Variants in ZMAT4 observed in about 807,000 individuals in gnomAD.
ZMAT4 encodes the protein zinc finger matrin-type protein 4.
ZMAT4 carries 17 observed loss-of-function variants against 28.7 expected under a neutral mutation model. That is an observed-to-expected ratio of 0.59 (90% CI 0.41 to 0.89). The LOEUF is 0.89. ZMAT4 is among the 40% of genes least tolerant of loss of function. ZMAT4 has a pLI of 0.00. For synonymous variants in ZMAT4, 117 were observed against 109.2 expected, an observed-to-expected ratio of 1.07 and a Z score of -0.44; for missense variants, 240 against 283.8, an observed-to-expected ratio of 0.85 and a Z score of 1.11.
intron 5 of ZMAT4, among the ~76,000 whole-genome samples, chr8:40,671,841 T>C (rs1808682743): frequency 6.6e-6 from 1 of 152,172 alleles, no homozygotes; most frequent in Non-Finnish European, 1.5e-5. Context: ...AAATTAGAAA[T>C]AGTTTCTTAT....
chr8:40,774,120 G>A, intron 2 of ZMAT4, among the ~76,000 whole-genome samples: 1 of 152,062 alleles, frequency 6.6e-6, no homozygotes. Flanking sequence ...CACAAAGTAG[G>A]AAAAATATTT....
intron 1 of ZMAT4, among the ~76,000 whole-genome samples, chr8:40,866,430 G>A (rs920646694): frequency 1.3e-5 from 2 of 152,198 alleles, no homozygotes; most frequent in African/African-American, 4.8e-5. Context: ...CAAACAATGT[G>A]GCACACATAG....
chr8:40,841,442 C>A (rs1816698702), intron 1 of ZMAT4, among the ~76,000 whole-genome samples: 1 of 152,184 alleles, frequency 6.6e-6, no homozygotes, highest in Admixed American at 6.5e-5. Context: ...TTGTTAAATG[C>A]TAGACTGTGT....
intron 5 of ZMAT4, among the ~76,000 whole-genome samples, chr8:40,626,151 G>T (rs75859365): frequency 0.56 from 83,806 of 149,220 alleles, 24,777 homozygotes; most frequent in East Asian, 0.68. Flanking sequence ...GAAGTCTTGG[G>T]GGGTAAATAA....
intron 4 of ZMAT4, among the ~76,000 whole-genome samples, chr8:40,696,663 G>T (rs1278753141): frequency 6.6e-6 from 1 of 152,106 alleles, no homozygotes; most frequent in Non-Finnish European, 1.5e-5. Flanking sequence ...TAATAGGCTT[G>T]AATCACAGGA....
At chr8:40,700,480 C>T (rs756646920) in intron 3 of ZMAT4, among the ~76,000 whole-genome samples, 10 of 129,256 alleles carry the variant, frequency 7.7e-5, no homozygotes, top group Non-Finnish European at 1.1e-4. Context: ...TGCAGTGGTG[C>T]TATCGTAGCT....
chr8:40,657,999 A>G (rs60938308), intron 5 of ZMAT4, among the ~76,000 whole-genome samples: 19,122 of 152,164 alleles, frequency 0.13, 1,490 homozygotes, highest in African/African-American at 0.22. Flanking sequence ...TTGAGATTAG[A>G]TAGTACCTAT....
At chr8:40,535,358 T>G (rs556659693) in intron 6 of ZMAT4, among the ~76,000 whole-genome samples, 1 of 152,278 alleles carries the variant, frequency 6.6e-6, no homozygotes, top group Non-Finnish European at 1.5e-5. Context: ...TAAGATAGAC[T>G]AGTAACAACC....
At chr8:40,627,322 G>A (rs373386622) in intron 5 of ZMAT4, among the ~76,000 whole-genome samples, 18 of 152,216 alleles carry the variant, frequency 1.2e-4, no homozygotes, top group African/African-American at 2.2e-4. Flanking sequence ...TATCTGTAGC[G>A]TAGCCAGGCA....
intron 2 of ZMAT4, among the ~76,000 whole-genome samples, chr8:40,800,880 G>A (rs6474277): frequency 0.41 from 61,671 of 151,642 alleles, 13,373 homozygotes; most frequent in Middle Eastern, 0.54. Flanking sequence ...GCAAGCAGAT[G>A]AAAATAAATA....
In ZMAT4 at chr8:40,647,412, C is replaced by T. The variant is rs529830943; in HGVS notation, c.577+27292G>A. 2.6e-5 allele frequency among the ~76,000 whole-genome samples: 4 copies of T among 152,220 alleles called. No individual in the cohort carries two copies. The East Asian group carries it at 5.8e-4, about 22-fold the overall frequency. On this transcript the variant is annotated intron_variant, in intron 5 of 6. Transcript: ENST00000297737. ...CCACAAGATTATATCCCGCACCTGG[C>T]TCGGAGGGTCCTACACCCACGGAGT...
intron 5 of ZMAT4, among the ~76,000 whole-genome samples, chr8:40,668,296 C>A (rs978435655): frequency 1.3e-5 from 2 of 151,544 alleles, no homozygotes; most frequent in Non-Finnish European, 2.9e-5. Context: ...ATTGGGAAAC[C>A]CCATCTCTAC....
At chr8:40,541,628 A>G (rs1251663069) in intron 6 of ZMAT4, among the ~76,000 whole-genome samples, 1 of 152,200 alleles carries the variant, frequency 6.6e-6, no homozygotes, top group Non-Finnish European at 1.5e-5. Context: ...ATTCCACTGG[A>G]CAGTTCTGGG....
intron 1 of ZMAT4, among the ~76,000 whole-genome samples, chr8:40,836,122 G>A (rs1403395342): frequency 1.3e-5 from 2 of 152,166 alleles, no homozygotes; most frequent in African/African-American, 4.8e-5. Context: ...TTGACATCTT[G>A]TGACACCCCC....
intron 3 of ZMAT4, among the ~76,000 whole-genome samples, chr8:40,767,212 A>C (rs1813196291): frequency 6.6e-6 from 1 of 152,222 alleles, no homozygotes; most frequent in Non-Finnish European, 1.5e-5. Context: ...CACACTCTTC[A>C]TTATAAATTA....
At chr8:40,657,199 T>C (rs1807966282) in intron 5 of ZMAT4, among the ~76,000 whole-genome samples, 1 of 152,078 alleles carries the variant, frequency 6.6e-6, no homozygotes, top group Admixed American at 6.6e-5. Context: ...GTCATAAAAA[T>C]CGTATGTATT....
At chr8:40,653,453 A>C (rs1450400498) in intron 5 of ZMAT4, among the ~76,000 whole-genome samples, 1 of 152,038 alleles carries the variant, frequency 6.6e-6, no homozygotes, top group Admixed American at 6.6e-5. Flanking sequence ...CAATAATGGA[A>C]GTCAACAAAA....
At chr8:40,665,366 A>G (rs1385275659) in intron 5 of ZMAT4, among the ~76,000 whole-genome samples, 3 of 152,160 alleles carry the variant, frequency 2.0e-5, no homozygotes, top group Non-Finnish European at 4.4e-5. Context: ...ATCCTCTTGC[A>G]ATCCATCCCC....
Position 40,533,293 on chromosome 8 carries a change from A to C in ZMAT4, c.675-1055T>G, listed in dbSNP as rs142455576. On this transcript the variant is annotated intron_variant, in intron 6 of 6. Coordinates refer to ENST00000297737, the MANE Select transcript of ZMAT4 (RefSeq NM_024645.3). ...AGCAGTGGAACTTGAACCCTGGAAAAACTCATAAGCAGGAGGTGAGAGAGC... is the reference window on the plus strand; with the variant it reads ...AGCAGTGGAACTTGAACCCTGGAAACACTCATAAGCAGGAGGTGAGAGAGC... Among the ~76,000 whole-genome samples the C allele has an allele frequency of 3.0e-4, 46 of 152,306 alleles. 1 individual carries two copies. Among genetic ancestry groups the C allele is most frequent in the Middle Eastern group, 3.4e-3 (1 of 294 alleles).
Sources: allele counts gnomAD v4.1 joint callset (sites outside exome capture counted in the v4.1 genomes callset), GRCh38; gene constraint gnomAD v4.1.1; transcripts MANE v1.5; gene names NCBI Gene and HGNC (gene_info 2026-07-23, HGNC 2026-07-21).